The following IL1RAP variants were observed in gnomAD, a reference collection of about 807,000 sequenced individuals.
The protein encoded by IL1RAP is interleukin 1 receptor accessory protein, also known as interleukin-1 receptor accessory protein.
IL1RAP carries 35 observed loss-of-function variants against 60.7 expected under a neutral mutation model. The observed-to-expected ratio is 0.58, with a 90% CI of 0.44 to 0.76. The LOEUF is 0.76. Among genes scored for constraint, IL1RAP ranks in the 30% least tolerant of loss-of-function variants. The pLI is 0.00. For synonymous variants in IL1RAP, 268 were observed against 250.9 expected (o/e 1.07, Z -0.64); for missense variants, 572 against 693.9 (o/e 0.82, Z 1.97).
chr3:190,646,099 G>C (rs1001929883), intron 11 of IL1RAP, among the ~76,000 whole-genome samples: 12 of 152,160 alleles, frequency 7.9e-5, no homozygotes, highest in African/African-American at 2.7e-4. Context: ...CAGTGGATTA[G>C]AGCTCTGTTA....
chr3:190,558,407 G>A (rs1029754987), intron 2 of IL1RAP, among the ~76,000 whole-genome samples: 7 of 152,156 alleles, frequency 4.6e-5, no homozygotes, highest in African/African-American at 1.7e-4. Context: ...CCACCAGTAT[G>A]AGAGTTCCAA....
chr3:190,626,857 A>T (rs972385158), intron 7 of IL1RAP, among the ~76,000 whole-genome samples: 2 of 151,692 alleles, frequency 1.3e-5, no homozygotes, highest in Admixed American at 1.3e-4. Flanking sequence ...TTTAGTAGAG[A>T]CGGGGTTTCA....
chr3:190,628,852 T>A (rs1305295079), intron 8 of IL1RAP, among the ~76,000 whole-genome samples: 1 of 152,180 alleles, frequency 6.6e-6, no homozygotes, highest in African/African-American at 2.4e-5. Flanking sequence ...GCATATTCAG[T>A]CCTCAGAATT....
intron 3 of IL1RAP, among the ~76,000 whole-genome samples, chr3:190,580,600 C>G (rs570496656): frequency 7.2e-4 from 110 of 152,164 alleles, no homozygotes; most frequent in African/African-American, 2.5e-3. Context: ...AATAGTCAAA[C>G]TCATAGAAGC....
intron 8 of IL1RAP, 54 bp from the exon 9 acceptor site, chr3:190,629,296 C>A (rs528224035): frequency 1.5e-6 from 2 of 1,323,652 alleles, no homozygotes; most frequent in African/African-American, 2.9e-5. Flanking sequence ...CCTACACAGT[C>A]CATAGCTCTT....
intron 1 of IL1RAP, among the ~76,000 whole-genome samples, chr3:190,544,273 C>A (rs1724188670): frequency 6.6e-6 from 1 of 152,104 alleles, no homozygotes; most frequent in Non-Finnish European, 1.5e-5. Flanking sequence ...GTCTTATGTT[C>A]TGATTTGGCA....
intron 1 of IL1RAP, among the ~76,000 whole-genome samples, chr3:190,528,604 A>T (rs1301664745): frequency 6.6e-6 from 1 of 152,252 alleles, no homozygotes. Context: ...CTGGTGAGAT[A>T]TAGAGAATTA....
At chr3:190,534,930 A>AAG (rs1553828426) in intron 1 of IL1RAP, among the ~76,000 whole-genome samples, 6 of 149,076 alleles carry the variant, frequency 4.0e-5, no homozygotes, top group South Asian at 2.1e-4. Context: ...AAAAAAAAAA[A>AAG]AAAAGAAAAC....
intron 3 of IL1RAP, among the ~76,000 whole-genome samples, chr3:190,573,838 T>C (rs1727219415): frequency 6.6e-6 from 1 of 152,172 alleles, no homozygotes; most frequent in Non-Finnish European, 1.5e-5. Flanking sequence ...AGGTATGTAA[T>C]AGGAAGGAAG....
At chr3:190,657,220 T>G (rs559736259) in exon 12 of IL1RAP, 1 of 152,352 alleles carries the variant, frequency 6.6e-6, no homozygotes, top group East Asian at 1.9e-4. Flanking sequence ...TAACAAATTT[T>G]TACATCTCTC....
chr3:190,523,401 T>C (rs1261506178), intron 1 of IL1RAP, among the ~76,000 whole-genome samples: 3 of 152,174 alleles, frequency 2.0e-5, no homozygotes, highest in African/African-American at 4.8e-5. Context: ...CAGGGGTACA[T>C]GTGCAGGTTT....
chr3:190,629,131 T>C (rs1328660002), intron 8 of IL1RAP, among the ~76,000 whole-genome samples: 2 of 152,236 alleles, frequency 1.3e-5, no homozygotes, highest in Admixed American at 6.5e-5. Context: ...GGATTTGGTC[T>C]AGACAATGGG....
chr3:190,658,221 A>G (rs1261763471), exon 12 of IL1RAP: 1 of 152,202 alleles, frequency 6.6e-6, no homozygotes, highest in African/African-American at 2.4e-5. Flanking sequence ...AGAAGGAAAA[A>G]ACAAAGAGCC....
In IL1RAP at chr3:190,522,428, T is replaced by TATCTATCC. The variant is rs1207455960; in HGVS notation, c.-89+8216_-89+8217insCATCTATC. ...CTATCTATGTATCTATGTATCTATCTATCTATCTATCTATCTATCTATCTA... is the reference window on the plus strand; with the variant it reads ...CTATCTATGTATCTATGTATCTATCTATCTATCCATCTATCTATCTATCTATCTATCTA... On this transcript the variant is annotated intron_variant, in intron 1 of 11. Coordinates refer to ENST00000447382, the MANE Select transcript of IL1RAP (RefSeq NM_002182.4). Among the ~76,000 whole-genome samples the TATCTATCC allele has an allele frequency of 8.5e-5, 9 of 105,950 alleles. No homozygotes were observed. The East Asian group carries it at 3.7e-3, about 43-fold the overall frequency. 69.5% of individuals were successfully genotyped at this position (105,950 alleles called of 152,430 possible).
chr3:190,647,718 C>T (rs1370068495), intron 11 of IL1RAP, among the ~76,000 whole-genome samples: 1 of 152,048 alleles, frequency 6.6e-6, no homozygotes, highest in African/African-American at 2.4e-5. Context: ...AGCCAAAATG[C>T]CATTCAGTTG....
At position 190,650,529 on chromosome 3, in the gene IL1RAP, A is replaced by C. The variant is rs1027878397; in HGVS notation, c.*1824A>C. The C allele has an allele frequency of 4.7e-5, 46 of 979,406 alleles. No homozygotes were observed. Among genetic ancestry groups the C allele is most frequent in the Non-Finnish European group, 5.5e-5 (45 of 824,544 alleles). 60.7% of individuals were successfully genotyped at this position (979,406 alleles called of 1,614,324 possible). A position where few individuals can be genotyped will look rare whatever the true frequency, so the allele number is the denominator to read the frequency against. ...TATCCTGTGAAACAGAATAATTCGT[A>C]ATTTAAGAAAGCCCTTATCCCGGTA... On this transcript the variant is annotated 3_prime_UTR_variant, in exon 12 of 12. Transcript: ENST00000447382.
intron 6 of IL1RAP, 36 bp downstream of exon 6, chr3:190,620,476 A>G (rs41500851): frequency 0.06 from 90,920 of 1,526,602 alleles, 3,803 homozygotes; most frequent in Admixed American, 0.17. Flanking sequence ...CACAACAAGC[A>G]TGTGATCATC....
intron 1 of IL1RAP, among the ~76,000 whole-genome samples, chr3:190,524,421 T>C (rs1332017707): frequency 1.3e-5 from 2 of 152,174 alleles, no homozygotes; most frequent in Non-Finnish European, 2.9e-5. Context: ...TGAAAAATCT[T>C]TGCCCATTCC....
intron 1 of IL1RAP, among the ~76,000 whole-genome samples, chr3:190,529,148 T>C (rs1219717904): frequency 6.6e-5 from 10 of 152,098 alleles, no homozygotes; most frequent in Admixed American, 6.5e-4. Flanking sequence ...ATGATATAGG[T>C]GTTCTGCAGA....
Sources: gnomAD v4.1 joint callset for allele counts (sites outside exome capture counted in the v4.1 genomes callset) on GRCh38, gnomAD v4.1.1 for gene constraint, MANE v1.5 for transcripts, NCBI Gene and HGNC (gene_info 2026-07-23, HGNC 2026-07-21) for gene names.